POU2F3: variants seen among roughly 807,000 people sequenced by gnomAD.
POU2F3 encodes the protein POU domain, class 2, transcription factor 3.
Under a neutral mutation model 59.2 loss-of-function variants are expected in POU2F3, and 23 were observed. That is an observed-to-expected ratio of 0.39 (90% confidence interval 0.28 to 0.55). The LOEUF (loss-of-function observed/expected upper bound fraction) is 0.55. POU2F3 is among the 20% of genes least tolerant of loss of function. The probability of loss-of-function intolerance (pLI) is 0.66; values close to 1 mark genes in which losing one functional copy is unlikely to be tolerated. For missense variants in POU2F3, 473 were observed against 544.5 expected (o/e 0.87, Z 1.31); for synonymous variants, 190 against 214.6 (o/e 0.89, Z 1.00).
chr11:120,315,285 T>C lies in POU2F3; in HGVS notation c.1069-76T>C, dbSNP rs1209432585. The C allele has an allele frequency of 2.2e-6, 3 of 1,345,350 alleles. No homozygotes were observed. In the African/African-American group the frequency reaches 4.3e-5, roughly 19 times the overall value. 83.3% of individuals were successfully genotyped at this position (1,345,350 alleles called of 1,614,324 possible). The stretch of plus-strand genomic sequence containing the variant: ...CCTGGTCTCTGTAGAGTCTGGGGCC[T>C]ACTGTCTTTGGAGAGTGATCTGAAG... On this transcript the variant is annotated intron_variant, in intron 10 of 12. Transcript: ENST00000543440.
At chr11:120,249,309 TC>T (rs756580098) in intron 2 of POU2F3, among the ~76,000 whole-genome samples, 14 of 152,264 alleles carry the variant, frequency 9.2e-5, no homozygotes, top group Non-Finnish European at 1.9e-4. Flanking sequence ...AGCTTTTCTG[TC>T]CTTCCTACCT....
intron 11 of POU2F3, 99 bp from the exon 12 acceptor site, chr11:120,317,130 G>A: frequency 6.9e-7 from 1 of 1,441,726 alleles, no homozygotes; most frequent in Non-Finnish European, 9.7e-7. Flanking sequence ...GGTCCCTTTG[G>A]GGATACACCA....
chr11:120,246,703 T>C (rs1591371982), intron 2 of POU2F3, among the ~76,000 whole-genome samples, 186 bp downstream of exon 2: 1 of 152,248 alleles, frequency 6.6e-6, no homozygotes, highest in East Asian at 1.9e-4. Flanking sequence ...ACAGTAGATA[T>C]TGCTCCACAG....
chr11:120,296,933 G>A lies in POU2F3; in HGVS notation c.133-1332G>A, dbSNP rs17123815. ...GTGATCCAAAGCACCATTTTTTTCC[G>A]CAAGAATTAAGCACAAGTTTAGCTG... On this transcript the variant is annotated intron_variant, in intron 3 of 12. Transcript: ENST00000543440. Among the ~76,000 whole-genome samples the A allele has an allele frequency of 5.5e-3, 840 of 152,110 alleles. 11 individuals carry two copies. Among genetic ancestry groups the A allele is most frequent in the African/African-American group, 0.019 (804 of 41,500 alleles).
In POU2F3 at chr11:120,302,307, C is replaced by G. The variant is rs1283619604; in HGVS notation, c.383C>G (p.Pro128Arg). 6.2e-7 allele frequency: 1 copy of G among 1,612,484 alleles called. No individual in the cohort carries two copies. Among genetic ancestry groups the G allele is most frequent in the Non-Finnish European group, 8.5e-7 (1 of 1,178,696 alleles). Residue 128 changes from proline (P) to arginine (R), a missense_variant, in exon 6 of 13, where the codon CCC becomes CGC. Pro to Arg is a moderately radical substitution (Grantham distance 103). Coordinates refer to ENST00000543440, the MANE Select transcript of POU2F3 (RefSeq NM_014352.4). ...GQQGLQPNLL[P>R]FPQQQSGLLL... ...CCAGGTCTGCAGCCAAATCTCCTCC[C>G]CTTTCCACAGCAACAAAGCGGTCTC...
In POU2F3 at chr11:120,318,963, CT is replaced by C. The variant is rs1941854420; in HGVS notation, c.*575del. The stretch of plus-strand genomic sequence containing the variant: ...CCCATTTTCTTTTTAACCTCGCCCC[CT>C]TTTCTACAATCAAATCCATTCATTA... On this transcript the variant is annotated 3_prime_UTR_variant, in exon 13 of 13. Transcript: ENST00000543440. 6.6e-6 allele frequency: 1 copy of C among 152,520 alleles called. No individual in the cohort carries two copies. Among genetic ancestry groups the C allele is most frequent in the South Asian group, 2.1e-4 (1 of 4,840 alleles). 9.4% of individuals were successfully genotyped at this position (152,520 alleles called of 1,614,324 possible).
chr11:120,304,979 A>AAT, intron 6 of POU2F3, 51 bp from the exon 7 acceptor site: 9 of 1,076,442 alleles, frequency 8.4e-6, no homozygotes, highest in Non-Finnish European at 1.2e-5. Flanking sequence ...AAATCAGAAA[A>AAT]TGTTATTTAT....
chr11:120,283,159 GA>G (rs1940640993), intron 3 of POU2F3, among the ~76,000 whole-genome samples: 1 of 152,190 alleles, frequency 6.6e-6, no homozygotes, highest in African/African-American at 2.4e-5. Context: ...TGAAGACAAG[GA>G]GTCCCTCCCT....
chr11:120,242,727 C>T (rs920386392), intron 1 of POU2F3, among the ~76,000 whole-genome samples: 8 of 152,262 alleles, frequency 5.3e-5, no homozygotes, highest in Middle Eastern at 3.4e-3. Context: ...AACCTGGGTA[C>T]GAGCCATGAT....
intron 2 of POU2F3, chr11:120,256,647 T>G (rs1939355031): frequency 6.6e-6 from 1 of 152,186 alleles, no homozygotes. Flanking sequence ...TGTGGGCTCC[T>G]CATGTTGATC....
At chr11:120,247,261 A>G (rs1481814542) in intron 2 of POU2F3, among the ~76,000 whole-genome samples, 1 of 152,220 alleles carries the variant, frequency 6.6e-6, no homozygotes, top group Non-Finnish European at 1.5e-5. Flanking sequence ...TAGCATTCCA[A>G]CCAGACCTCA....
intron 1 of POU2F3, 57 bp downstream of exon 1, chr11:120,240,428 A>G: frequency 9.8e-6 from 13 of 1,329,810 alleles, no homozygotes; most frequent in Non-Finnish European, 1.3e-5. Flanking sequence ...GCAGGGGTGA[A>G]GGAGAGGGAC....
chr11:120,284,046 G>C (rs925293576), intron 3 of POU2F3, among the ~76,000 whole-genome samples: 1 of 152,050 alleles, frequency 6.6e-6, no homozygotes, highest in South Asian at 2.1e-4. Context: ...GGGCACGGTG[G>C]TGCGCACCTG....
intron 2 of POU2F3, chr11:120,253,735 T>G (rs1322455312): frequency 6.6e-6 from 1 of 152,172 alleles, no homozygotes; most frequent in Non-Finnish European, 1.5e-5. Flanking sequence ...GCTGTCCGGG[T>G]GCGGTGGCTC....
intron 2 of POU2F3, chr11:120,259,138 A>C (rs1242325354): frequency 6.6e-6 from 1 of 152,318 alleles, no homozygotes. Context: ...AGCAGGCTTC[A>C]GGGTTTGATT....
intron 10 of POU2F3, among the ~76,000 whole-genome samples, chr11:120,315,129 G>T (rs1280556134): frequency 6.6e-6 from 1 of 152,230 alleles, no homozygotes; most frequent in East Asian, 1.9e-4. Flanking sequence ...GGGCTGGAGG[G>T]CCCTGGTGTT....
At chr11:120,308,966 A>AAAG in intron 9 of POU2F3, among the ~76,000 whole-genome samples, 1 of 140,364 alleles carries the variant, frequency 7.1e-6, no homozygotes, top group East Asian at 2.1e-4. Flanking sequence ...AAAAAAAAAA[A>AAAG]AAAAAAAAAA....
chr11:120,261,834 C>T (rs1210856443), intron 2 of POU2F3, among the ~76,000 whole-genome samples: 2 of 152,288 alleles, frequency 1.3e-5, no homozygotes, highest in East Asian at 1.9e-4. Context: ...CTTGAGATCC[C>T]CTTTGACGCT....
intron 1 of POU2F3, among the ~76,000 whole-genome samples, chr11:120,243,395 TG>T (rs112502849): frequency 0.015 from 2,285 of 152,172 alleles, 54 homozygotes; most frequent in African/African-American, 0.052. Context: ...CTTTCTTCCC[TG>T]GGGTTCACAG....
Sources: gnomAD v4.1 joint callset for allele counts (sites outside exome capture counted in the v4.1 genomes callset) on GRCh38, gnomAD v4.1.1 for gene constraint, MANE v1.5 for transcripts, NCBI Gene and HGNC (gene_info 2026-07-23, HGNC 2026-07-21) for gene names.